The following EP400 variants were observed in gnomAD, a reference collection of about 807,000 sequenced individuals.
EP400 encodes E1A-binding protein p400.
EP400 carries 105 observed loss-of-function variants against 354.1 expected under a neutral mutation model. The ratio of observed to expected loss-of-function variants is 0.30; its 90% CI spans 0.25 to 0.35. The LOEUF (loss-of-function observed/expected upper bound fraction) is 0.35, where lower values mean the gene tolerates loss of function less well. Among genes scored for constraint, EP400 ranks in the 10% least tolerant of loss-of-function variants. The pLI is 1.00. For missense variants in EP400, 3,280 were observed against 4,121.0 expected (o/e 0.80, Z 5.59); for synonymous variants, 1,646 against 1,716.9 (o/e 0.96, Z 1.02).
At chr12:132,074,698 C>CT (rs1177749693) in intron 51 of EP400, among the ~76,000 whole-genome samples, 2 of 152,236 alleles carry the variant, frequency 1.3e-5, no homozygotes, top group Non-Finnish European at 2.9e-5. Context: ...TGAGTCATGT[C>CT]TTTCGCTCTG....
intron 23 of EP400, 114 bp from the exon 24 acceptor site, chr12:132,023,662 TG>T: frequency 1.2e-6 from 1 of 862,828 alleles, no homozygotes; most frequent in South Asian, 1.9e-5. Context: ...AACATTTCTG[TG>T]GTGCTTCAGT....
chr12:132,044,253 G>A lies in EP400; in HGVS notation c.6527G>A (p.Arg2176Gln), dbSNP rs757423118. Residue 2176 changes from arginine to glutamine, a missense_variant, in exon 35 of 53, where the codon CGG becomes CAG. Arg to Gln is a conservative substitution (Grantham distance 43). This residue lies in a region of EP400 where 231 missense variants were observed against 257.9 expected (regional missense o/e 0.90). Coordinates refer to ENST00000389561, the MANE Select transcript of EP400 (RefSeq NM_015409.5). ...CTGCAGGAGAGGGAGGCCCGGCTGC[G>A]GCTGGAGCAGGAGGAGGCGGAGCTC... ...KTLQEREARLRLEQEEAELLT... is the reference protein window; with the variant it reads ...KTLQEREARLQLEQEEAELLT... 31 of 1,614,046 alleles carry A rather than the reference G, an allele frequency of 1.9e-5. No individual in the cohort carries two copies. Among genetic ancestry groups the A allele is most frequent in the Non-Finnish European group, 2.5e-5 (29 of 1,180,058 alleles).
rs1042193594 is a variant in EP400 at position 132,005,058 on chromosome 12, T to C, written c.2828-19T>C. On this transcript the variant is annotated intron_variant, in intron 12 of 52. Coordinates refer to ENST00000389561, the MANE Select transcript of EP400 (RefSeq NM_015409.5). ...TGTTGTTATAAAGTAACAGCCCTTCTGCCCGCAACCCTCTGCAGCTGAGCT... is the reference window on the plus strand; with the variant it reads ...TGTTGTTATAAAGTAACAGCCCTTCCGCCCGCAACCCTCTGCAGCTGAGCT... 2.0e-5 allele frequency: 31 copies of C among 1,553,094 alleles called. No individual in the cohort carries two copies. The highest frequency in any genetic ancestry group is 2.7e-5 in the Non-Finnish European group (31 of 1,144,240).
intron 19 of EP400, among the ~76,000 whole-genome samples, chr12:132,014,324 G>A (rs1488368418): frequency 6.6e-6 from 1 of 152,242 alleles, no homozygotes; most frequent in African/African-American, 2.4e-5. Context: ...GCACGCTGGT[G>A]TCTGTGGCGC....
At chr12:132,021,741 G>A (rs907260053) in intron 23 of EP400, among the ~76,000 whole-genome samples, 5 of 152,180 alleles carry the variant, frequency 3.3e-5, no homozygotes, top group Non-Finnish European at 7.3e-5. Flanking sequence ...ACTAGCTTTA[G>A]GTTCCTAAAA....
chr12:132,053,633 G>C, intron 43 of EP400, 36 bp downstream of exon 43: 2 of 1,478,826 alleles, frequency 1.4e-6, no homozygotes, highest in Non-Finnish European at 1.8e-6. Flanking sequence ...TCCCCTCTAC[G>C]GGAAGTCACC....
chr12:132,004,223 A>G (rs929997139), intron 12 of EP400, among the ~76,000 whole-genome samples: 8 of 152,228 alleles, frequency 5.3e-5, no homozygotes, highest in Non-Finnish European at 1.0e-4. Context: ...CTAATTCATA[A>G]TAATTTCCCA....
At chr12:132,076,717 C>G (rs947489417) in intron 52 of EP400, 124 bp downstream of exon 52, 2 of 874,596 alleles carry the variant, frequency 2.3e-6, no homozygotes, top group South Asian at 1.8e-5. Flanking sequence ...ACATTAACTT[C>G]AGGGGAAAAA....
Position 131,991,424 on chromosome 12 carries a change from A to G in EP400, c.2647A>G (p.Lys883Glu). The change falls in exon 10 of 53, where the codon AAA (lysine) becomes GAA (glutamate). Residue 883 changes from lysine (K) to glutamate (E), a missense_variant. Coordinates refer to ENST00000389561, the MANE Select transcript of EP400 (RefSeq NM_015409.5). ...VSRRGKELRP[K>E]GFDALQESSL... The stretch of plus-strand genomic sequence containing the variant: ...CTCTCTAGGGAAAGAATTGAGACCT[A>G]AAGGATTTGACGCATTACAGGAAAG... The G allele has an allele frequency of 1.9e-6, 3 of 1,613,992 alleles. No individual in the cohort carries two copies. The highest frequency in any genetic ancestry group is 1.7e-6 in the Non-Finnish European group (2 of 1,179,942).
At chr12:131,975,602 C>T (rs1892446925) in intron 2 of EP400, among the ~76,000 whole-genome samples, 1 of 151,990 alleles carries the variant, frequency 6.6e-6, no homozygotes, top group Admixed American at 6.6e-5. Context: ...CTCTGTCACC[C>T]AGGCTGGAGT....
rs116921384 is a variant in EP400, at chr12:132,037,830, C to T, written c.6063+37C>T. 5.2e-3 allele frequency: 8,399 copies of T among 1,612,212 alleles called. 71 individuals carry two copies. Among genetic ancestry groups the T allele is most frequent in the South Asian group, 0.024 (2,201 of 91,020 alleles). On this transcript the variant is annotated intron_variant, in intron 31 of 52. Transcript: ENST00000389561. ...TCAATGAGAGGCCTGAGGTGAGACC[C>T]GCCATGCGGCGCGTGGAATCGCATG...
At chr12:131,974,230 C>T (rs1892392098) in intron 2 of EP400, among the ~76,000 whole-genome samples, 1 of 152,292 alleles carries the variant, frequency 6.6e-6, no homozygotes. Context: ...CCGCCTACCT[C>T]AGCCTCCCAA....
intron 12 of EP400, among the ~76,000 whole-genome samples, chr12:132,000,249 T>A (rs372520161): frequency 1.3e-5 from 2 of 152,250 alleles, no homozygotes; most frequent in East Asian, 3.9e-4. Flanking sequence ...TTTAGAAGGA[T>A]GTTTCTTAAT....
Position 131,961,867 on chromosome 12 carries a change from A to G in EP400, c.1248A>G (p.Ala416=), listed in dbSNP as rs1364982905. 1 of 1,614,116 alleles carries G rather than the reference A, an allele frequency of 6.2e-7. No homozygotes were observed. The highest frequency in any genetic ancestry group is 2.2e-5 in the East Asian group (1 of 44,894). ...FKKKHYAPLQ[A]YLRQNDLDIE... The stretch of plus-strand genomic sequence containing the variant: ...AGAAACATTATGCCCCATTACAAGC[A>G]TATCTTAGGCAGAATGATTTGGACA... The change falls in exon 2 of 53, where the codon GCA becomes GCG. Residue 416 remains alanine, a synonymous_variant. Transcript: ENST00000389561.
intron 37 of EP400, 116 bp from the exon 38 acceptor site, chr12:132,045,203 T>C (rs1406760290): frequency 9.4e-6 from 14 of 1,494,062 alleles, no homozygotes; most frequent in Non-Finnish European, 1.3e-5. Flanking sequence ...AGGTGCTTTC[T>C]GTGGCCTCTT....
intron 12 of EP400, 36 bp from the exon 13 acceptor site, chr12:132,005,041 T>G: frequency 6.7e-7 from 1 of 1,486,344 alleles, no homozygotes; most frequent in East Asian, 2.4e-5. Flanking sequence ...GTTGTTGTTA[T>G]AAAGTAACAG....
At position 132,079,330 on chromosome 12, in the gene EP400, CTG is replaced by C. The variant is rs1896320816; in HGVS notation, c.*1659_*1660del. ...ACATACCAAAGCAGAGGACTGGAATCTGTTTGTTCTAACCAACCCGTTCTCCC... is the reference window on the plus strand; with the variant it reads ...ACATACCAAAGCAGAGGACTGGAATCTTTGTTCTAACCAACCCGTTCTCCC... On this transcript the variant is annotated 3_prime_UTR_variant, in exon 53 of 53. Transcript: ENST00000389561. 1 of 152,300 alleles carries C rather than the reference CTG, an allele frequency of 6.6e-6. No homozygotes were observed. The highest frequency in any genetic ancestry group is 2.1e-4 in the South Asian group (1 of 4,834). 9.4% of individuals were successfully genotyped at this position (152,300 alleles called of 1,614,324 possible). A position where few individuals can be genotyped will look rare whatever the true frequency, so the allele number is the denominator to read the frequency against.
chr12:131,995,115 A>T (rs1367107032), intron 12 of EP400, 159 bp downstream of exon 12: 22 of 635,400 alleles, frequency 3.5e-5, no homozygotes, highest in Non-Finnish European at 2.7e-6. Flanking sequence ...CCTGACCTGG[A>T]GGTCCTGGCC....
chr12:132,020,135 C>T lies in EP400; in HGVS notation c.4364C>T (p.Pro1455Leu), dbSNP rs1167795084. The change falls in exon 22 of 53, where the codon CCC becomes CTC. Residue 1455 changes from proline to leucine, a missense_variant. Transcript: ENST00000389561. ...PSTHPPRTAA[P>L]TTASAAPQGP... The stretch of plus-strand genomic sequence containing the variant: ...ACTCACCCGCCCCGGACGGCAGCCC[C>T]CACCACGGCCTCTGCTGCTCCACAG... The T allele has an allele frequency of 2.5e-6, 4 of 1,611,836 alleles. No individual in the cohort carries two copies. The African/African-American group carries it at 4.0e-5, about 16-fold the overall frequency.
Sources: gnomAD v4.1 joint callset for allele counts (sites outside exome capture counted in the v4.1 genomes callset) on GRCh38, gnomAD v4.1.1 for gene constraint, gnomAD v4.1.1 regional missense constraint, MANE v1.5 for transcripts, NCBI Gene and HGNC (gene_info 2026-07-23, HGNC 2026-07-21) for gene names.